The following BTRC variants were observed in gnomAD, a reference collection of about 807,000 sequenced individuals.
BTRC encodes the protein beta-transducin repeat containing E3 ubiquitin protein ligase.
BTRC carries 42 observed loss-of-function variants against 85.5 expected under a neutral mutation model. The ratio of observed to expected loss-of-function variants is 0.49; its 90% confidence interval spans 0.38 to 0.64. The LOEUF (loss-of-function observed/expected upper bound fraction) is 0.64, where lower values mean the gene tolerates loss of function less well. BTRC is among the 30% of genes least tolerant of loss of function. BTRC has a pLI of 0.00. For synonymous variants in BTRC, 255 were observed against 263.3 expected, an observed-to-expected ratio of 0.97 and a Z score of 0.30; for missense variants, 594 against 743.5, an observed-to-expected ratio of 0.80 and a Z score of 2.34.
intron 2 of BTRC, among the ~76,000 whole-genome samples, chr10:101,450,189 T>G (rs1944924977): frequency 1.3e-5 from 2 of 152,140 alleles, no homozygotes; most frequent in South Asian, 4.1e-4. Context: ...TGTTCAAACC[T>G]TTGATTAAGA....
chr10:101,440,742 A>G (rs767179873), intron 2 of BTRC, among the ~76,000 whole-genome samples: 2 of 152,132 alleles, frequency 1.3e-5, no homozygotes, highest in Non-Finnish European at 2.9e-5. Flanking sequence ...AAAAAAGGCA[A>G]CTATTTAGCT....
At chr10:101,379,038 G>T (rs749105890) in intron 1 of BTRC, among the ~76,000 whole-genome samples, 1 of 152,146 alleles carries the variant, frequency 6.6e-6, no homozygotes, top group East Asian at 1.9e-4. Context: ...CTCTTGGAAT[G>T]TTGACTATAA....
At chr10:101,363,317 C>T (rs897576206) in intron 1 of BTRC, among the ~76,000 whole-genome samples, 1 of 152,138 alleles carries the variant, frequency 6.6e-6, no homozygotes, top group Non-Finnish European at 1.5e-5. Context: ...CAGTATACTT[C>T]CTCTTTGAAG....
rs549375145 is a variant in BTRC, at chr10:101,388,953, T to C, written c.48+34725T>C. 8.5e-5 allele frequency among the ~76,000 whole-genome samples: 13 copies of C among 152,270 alleles called. No homozygotes were observed. In the South Asian group the frequency reaches 2.7e-3, roughly 32 times the overall value. The stretch of plus-strand genomic sequence containing the variant: ...CCTCTTCTCTTTCCTGTCTACACTT[T>C]GTTCCTAGATGATCATCTATTCCTT... On this transcript the variant is annotated intron_variant, in intron 1 of 14. Coordinates refer to ENST00000370187, the MANE Select transcript of BTRC (RefSeq NM_033637.4).
intron 4 of BTRC, among the ~76,000 whole-genome samples, chr10:101,509,243 ATTTTTTTTTT>A (rs71016330): frequency 8.6e-5 from 6 of 69,912 alleles, no homozygotes; most frequent in Admixed American, 1.9e-4. Context: ...GGCAATGTGG[ATTTTTTTTTT>A]TTTTTTTTTT....
intron 2 of BTRC, among the ~76,000 whole-genome samples, chr10:101,439,072 C>T (rs1365067038): frequency 6.6e-6 from 1 of 152,140 alleles, no homozygotes; most frequent in Admixed American, 6.5e-5. Context: ...CAACTGTTTA[C>T]AAGACAGCAG....
At chr10:101,421,649 A>G (rs55987125) in intron 1 of BTRC, among the ~76,000 whole-genome samples, 125,535 of 129,240 alleles carry the variant, frequency 0.97, 61,076 homozygotes, top group East Asian at 1. Context: ...ACAGGCCCTG[A>G]TGTGTGATGT....
In BTRC at chr10:101,365,403, C is replaced by G. The variant is rs558969981; in HGVS notation, c.48+11175C>G. 9.4e-5 allele frequency among the ~76,000 whole-genome samples: 14 copies of G among 149,656 alleles called. No individual in the cohort carries two copies. In the South Asian group the frequency reaches 2.8e-3, roughly 30 times the overall value. On this transcript the variant is annotated intron_variant, in intron 1 of 14. Coordinates refer to ENST00000370187, the MANE Select transcript of BTRC (RefSeq NM_033637.4). ...TTTTTTTAATTTTTTGAGACAGTCT[C>G]ACTCACTCTGTCACCCAGGCTGGGT...
intron 4 of BTRC, among the ~76,000 whole-genome samples, chr10:101,483,037 A>G (rs551530796): frequency 3.6e-4 from 55 of 152,324 alleles, no homozygotes; most frequent in African/African-American, 1.3e-3. Flanking sequence ...TTTATTGAAT[A>G]TGGTTCATGT....
chr10:101,491,781 A>G (rs140853032), intron 4 of BTRC, among the ~76,000 whole-genome samples: 137 of 152,120 alleles, frequency 9.0e-4, no homozygotes, highest in Middle Eastern at 6.8e-3. Flanking sequence ...ATGCTTCTAG[A>G]TGGTTCGGTG....
At chr10:101,530,319 G>A (rs1357868107) in intron 6 of BTRC, among the ~76,000 whole-genome samples, 1 of 151,934 alleles carries the variant, frequency 6.6e-6, no homozygotes, top group Non-Finnish European at 1.5e-5. Flanking sequence ...TTTGTTTTCT[G>A]ATGAAATGAA....
chr10:101,549,478 G>A (rs555296445), intron 13 of BTRC, among the ~76,000 whole-genome samples: 1 of 151,584 alleles, frequency 6.6e-6, no homozygotes, highest in East Asian at 1.9e-4. Context: ...ACTTTGGGAG[G>A]CCGAGGCGGG....
rs577664658 is a variant in BTRC at position 101,378,085 on chromosome 10, G to A, written c.48+23857G>A. On this transcript the variant is annotated intron_variant, in intron 1 of 14. Transcript: ENST00000370187. ...CATGTTCCTAGTAGCATAGATCAAT[G>A]GTATGATTTTAATAATTCTTATTCA... Among the ~76,000 whole-genome samples the A allele has an allele frequency of 1.6e-4, 25 of 152,080 alleles. No individual in the cohort carries two copies. The South Asian group carries it at 5.2e-3, about 32-fold the overall frequency.
intron 13 of BTRC, among the ~76,000 whole-genome samples, chr10:101,548,596 C>T (rs978812660): frequency 3.9e-5 from 6 of 152,040 alleles, no homozygotes; most frequent in African/African-American, 9.6e-5. Flanking sequence ...TACTAAAATA[C>T]AAAAAATTAG....
At chr10:101,398,114 T>C (rs1267763177) in intron 1 of BTRC, among the ~76,000 whole-genome samples, 1 of 152,124 alleles carries the variant, frequency 6.6e-6, no homozygotes, top group African/African-American at 2.4e-5. Flanking sequence ...TATTAGAGTA[T>C]TGATCTGCTG....
chr10:101,372,371 C>T (rs1300349049), intron 1 of BTRC, among the ~76,000 whole-genome samples: 2 of 151,014 alleles, frequency 1.3e-5, no homozygotes, highest in Non-Finnish European at 3.0e-5. Flanking sequence ...ATTCTCCTGC[C>T]TCAGCCTCGA....
intron 3 of BTRC, 110 bp downstream of exon 3, chr10:101,462,168 A>G (rs1432383343): frequency 1.2e-6 from 1 of 830,910 alleles, no homozygotes; most frequent in Non-Finnish European, 1.9e-6. Context: ...TATTAAGAGT[A>G]CTCGGACGTT....
At chr10:101,520,134 A>ATTT (rs2062081847) in intron 4 of BTRC, among the ~76,000 whole-genome samples, 1 of 130,168 alleles carries the variant, frequency 7.7e-6, no homozygotes, top group African/African-American at 2.6e-5. Flanking sequence ...ATTTGCTTGT[A>ATTT]TTTTGTTTGT....
At chr10:101,496,008 A>ATT (rs71016326) in intron 4 of BTRC, among the ~76,000 whole-genome samples, 70 of 148,872 alleles carry the variant, frequency 4.7e-4, no homozygotes, top group Admixed American at 2.0e-3. Context: ...ATCATATAGT[A>ATT]TTTTTTTTTT....
Sources: allele counts gnomAD v4.1 joint callset (sites outside exome capture counted in the v4.1 genomes callset), GRCh38; gene constraint gnomAD v4.1.1; transcripts MANE v1.5; gene names NCBI Gene and HGNC (gene_info 2026-07-23, HGNC 2026-07-21).